DUSP22: variants seen among roughly 807,000 people sequenced by gnomAD.
DUSP22 encodes the protein dual specificity protein phosphatase 22.
In DUSP22, 24 loss-of-function variants were observed where a neutral mutation model predicts 24.5. The ratio of observed to expected loss-of-function variants is 0.98; its 90% confidence interval spans 0.71 to 1.38. DUSP22 has a LOEUF of 1.38. Among genes scored for constraint, DUSP22 ranks in the 40% most tolerant of loss-of-function variants. DUSP22 has a pLI of 0.00. For missense variants in DUSP22, 330 were observed against 269.2 expected (o/e 1.23, Z -1.58); for synonymous variants, 160 against 106.4 (o/e 1.50, Z -3.10).
chr6:304,266 C>G (rs761157855), intron 1 of DUSP22, among the ~76,000 whole-genome samples: 1 of 152,304 alleles, frequency 6.6e-6, no homozygotes, highest in Non-Finnish European at 1.5e-5. Context: ...CAGTGGGCAC[C>G]GTGTGTGCAG....
chr6:292,742 C>G (rs1049493386), intron 1 of DUSP22, among the ~76,000 whole-genome samples, 182 bp downstream of exon 1: 5 of 152,386 alleles, frequency 3.3e-5, no homozygotes, highest in African/African-American at 1.2e-4. Context: ...GTGTTCCCGC[C>G]CCCACCCCAC....
chr6:312,138 C>T lies in DUSP22; in HGVS notation c.138+176C>T, dbSNP rs1375668323. 4.6e-5 allele frequency among the ~76,000 whole-genome samples: 7 copies of T among 152,304 alleles called. No individual in the cohort carries two copies. Among genetic ancestry groups the T allele is most frequent in the Non-Finnish European group, 7.3e-5 (5 of 68,056 alleles). On this transcript the variant is annotated intron_variant, in intron 3 of 6. Transcript: ENST00000419235. The stretch of plus-strand genomic sequence containing the variant: ...TGTTAACACGCTGTCTGTAGCGTGG[C>T]GCGAGGGTGTGTGCTTTTTCTGATC...
chr6:339,835 A>G (rs1468709743), intron 4 of DUSP22, among the ~76,000 whole-genome samples: 1 of 152,284 alleles, frequency 6.6e-6, no homozygotes, highest in African/African-American at 2.4e-5. Context: ...TCTCTCATTT[A>G]CGTTTTTCTT....
chr6:335,275 T>C, intron 4 of DUSP22, 112 bp downstream of exon 4: 1 of 1,363,368 alleles, frequency 7.3e-7, no homozygotes, highest in African/African-American at 1.4e-5. Context: ...GGACCCTTGC[T>C]GACCCTGCCA....
chr6:312,532 T>A (rs1208774169), intron 3 of DUSP22, among the ~76,000 whole-genome samples: 1 of 152,302 alleles, frequency 6.6e-6, no homozygotes, highest in Non-Finnish European at 1.5e-5. Flanking sequence ...TTTACCCTAA[T>A]GGACGGTTTG....
Position 350,386 on chromosome 6 carries a change from G to A in DUSP22, c.*1435G>A, listed in dbSNP as rs898630423. The A allele has an allele frequency of 4.6e-6, 5 of 1,092,772 alleles. No homozygotes were observed. The Admixed American group carries it at 2.0e-4, about 43-fold the overall frequency. 67.7% of individuals were successfully genotyped at this position (1,092,772 alleles called of 1,614,324 possible). On this transcript the variant is annotated 3_prime_UTR_variant, in exon 7 of 7. Coordinates refer to ENST00000419235, the MANE Select transcript of DUSP22 (RefSeq NM_001286555.3). ...GACTCAGATTCCTTAAGCATGCAGA[G>A]TCACTCGAATGAAAAAACATACTCG...
intron 3 of DUSP22, among the ~76,000 whole-genome samples, chr6:321,078 G>A (rs1302322327): frequency 6.6e-6 from 1 of 152,310 alleles, no homozygotes; most frequent in East Asian, 1.9e-4. Flanking sequence ...CTTCACCAAA[G>A]GTGAAAATCT....
intron 3 of DUSP22, 142 bp from the exon 4 acceptor site, chr6:334,972 T>A: frequency 1.0e-6 from 1 of 994,526 alleles, no homozygotes; most frequent in Non-Finnish European, 1.5e-6. Context: ...TTTTCTGCAG[T>A]TCCTTGGCAA....
intron 1 of DUSP22, among the ~76,000 whole-genome samples, chr6:298,777 C>T (rs1363429985): frequency 1.1e-4 from 17 of 152,412 alleles, no homozygotes; most frequent in East Asian, 5.8e-4. Flanking sequence ...TGTGCTGTTT[C>T]GTCACCGTTT....
intron 4 of DUSP22, among the ~76,000 whole-genome samples, chr6:342,732 G>A (rs887312498): frequency 2.6e-4 from 40 of 152,180 alleles, no homozygotes; most frequent in Admixed American, 7.8e-4. Flanking sequence ...CTCCATGGCC[G>A]GAGGTCAGGG....
chr6:326,358 C>T (rs899637340), intron 3 of DUSP22, among the ~76,000 whole-genome samples: 1 of 145,688 alleles, frequency 6.9e-6, no homozygotes, highest in African/African-American at 2.6e-5. Flanking sequence ...GTGTGCAGTG[C>T]TGTATCTGCT....
intron 3 of DUSP22, among the ~76,000 whole-genome samples, chr6:324,919 C>A (rs942467108): frequency 6.6e-6 from 1 of 152,306 alleles, no homozygotes; most frequent in Non-Finnish European, 1.5e-5. Context: ...GCACAGTGTT[C>A]CCAGCAGCGC....
chr6:314,096 C>A (rs1758228035), intron 3 of DUSP22, among the ~76,000 whole-genome samples: 2 of 152,418 alleles, frequency 1.3e-5, no homozygotes, highest in African/African-American at 4.8e-5. Context: ...TTTTGCCAGC[C>A]CTGATCCCGG....
chr6:294,926 T>C (rs1291568980), intron 1 of DUSP22, among the ~76,000 whole-genome samples: 1 of 152,290 alleles, frequency 6.6e-6, no homozygotes, highest in Non-Finnish European at 1.5e-5. Context: ...GGAATCCTGC[T>C]GCAGTAAACA....
In DUSP22 at chr6:350,195, G is replaced by A. The variant is rs936633737; in HGVS notation, c.*1244G>A. 1.6e-5 allele frequency: 16 copies of A among 986,866 alleles called. No individual in the cohort carries two copies. Among genetic ancestry groups the A allele is most frequent in the Non-Finnish European group, 1.9e-5 (16 of 830,948 alleles). 61.1% of individuals were successfully genotyped at this position (986,866 alleles called of 1,614,324 possible). The stretch of plus-strand genomic sequence containing the variant: ...ATTGCTTTTGAAACCAAAGGGGAAG[G>A]TACCGATATCATTGAGCTATTTAAA... On this transcript the variant is annotated 3_prime_UTR_variant, in exon 7 of 7. Transcript: ENST00000419235.
chr6:311,831 A>G (rs1364604570), intron 2 of DUSP22, 49 bp from the exon 3 acceptor site: 4 of 1,577,890 alleles, frequency 2.5e-6, no homozygotes, highest in Non-Finnish European at 3.5e-6. Flanking sequence ...TTTAGGAGTA[A>G]TTAACTTGCA....
Position 350,990 on chromosome 6 carries a change from C to A in DUSP22, c.*2039C>A. 1 of 1,359,736 alleles carries A rather than the reference C, an allele frequency of 7.4e-7. No individual in the cohort carries two copies. The highest frequency in any genetic ancestry group is 1.0e-6 in the Non-Finnish European group (1 of 960,094). 84.2% of individuals were successfully genotyped at this position (1,359,736 alleles called of 1,614,324 possible). A position where few individuals can be genotyped will look rare whatever the true frequency, so the allele number is the denominator to read the frequency against. ...TTGTAAACTTGTTTTTCATTTGAAG[C>A]TGAATATATACGTAGTCATGTTTAT... is the stretch of plus-strand genomic sequence containing the variant. On this transcript the variant is annotated 3_prime_UTR_variant, in exon 7 of 7. Coordinates refer to ENST00000419235, the MANE Select transcript of DUSP22 (RefSeq NM_001286555.3).
intron 1 of DUSP22, among the ~76,000 whole-genome samples, chr6:300,981 C>G (rs1304054740): frequency 6.6e-6 from 1 of 152,308 alleles, no homozygotes; most frequent in Non-Finnish European, 1.5e-5. Context: ...AATGTGCCAC[C>G]AGCCCTGCTG....
At chr6:304,439 A>G (rs1389440696) in intron 1 of DUSP22, among the ~76,000 whole-genome samples, 189 bp from the exon 2 acceptor site, 2 of 152,306 alleles carry the variant, frequency 1.3e-5, no homozygotes, top group Admixed American at 1.3e-4. Context: ...CAGCGAGTCG[A>G]TGGGCACCAA....
Sources: allele counts gnomAD v4.1 joint callset (sites outside exome capture counted in the v4.1 genomes callset), GRCh38; gene constraint gnomAD v4.1.1; transcripts MANE v1.5; gene names NCBI Gene and HGNC (gene_info 2026-07-23, HGNC 2026-07-21).